ULK2: variants seen among roughly 807,000 people sequenced by gnomAD.
ULK2 encodes serine/threonine-protein kinase ULK2.
Under a neutral mutation model 127.5 loss-of-function variants are expected in ULK2, and 76 were observed. The ratio of observed to expected loss-of-function variants is 0.60; its 90% CI spans 0.50 to 0.72. ULK2 has a LOEUF of 0.72. Among genes scored for constraint, ULK2 ranks in the 30% least tolerant of loss-of-function variants. ULK2 has a pLI of 0.00. For missense variants in ULK2, 1,144 were observed against 1,295.9 expected (o/e 0.88, Z 1.80); for synonymous variants, 452 against 461.9 (o/e 0.98, Z 0.28).
At chr17:19,863,807 C>T (rs1411231083) in intron 3 of ULK2, among the ~76,000 whole-genome samples, 2 of 152,100 alleles carry the variant, frequency 1.3e-5, no homozygotes, top group Non-Finnish European at 2.9e-5. Flanking sequence ...TTTGACTATA[C>T]AGAAATTTTG....
At chr17:19,850,965 G>C (rs1294789227) in intron 3 of ULK2, among the ~76,000 whole-genome samples, 2 of 151,922 alleles carry the variant, frequency 1.3e-5, no homozygotes, top group Non-Finnish European at 2.9e-5. Context: ...GATCACTTGA[G>C]CCCAAGAGTT....
chr17:19,850,773 C>A (rs1597809928), intron 3 of ULK2, among the ~76,000 whole-genome samples: 1 of 151,622 alleles, frequency 6.6e-6, no homozygotes, highest in African/African-American at 2.4e-5. Flanking sequence ...TGCAGTGAGC[C>A]GAGATCATCG....
intron 20 of ULK2, among the ~76,000 whole-genome samples, chr17:19,792,255 G>A (rs2087172011): frequency 1.3e-5 from 2 of 152,038 alleles, no homozygotes; most frequent in African/African-American, 2.4e-5. Context: ...TTGAAACTAA[G>A]AAAACAATAC....
chr17:19,867,427 C>T lies in ULK2; in HGVS notation c.-10G>A, dbSNP rs1159491796. On this transcript the variant is annotated 5_prime_UTR_variant, in exon 1 of 27. Coordinates refer to ENST00000395544, the MANE Select transcript of ULK2 (RefSeq NM_014683.4). ...CACCCACCACCTCCATGGCCGCGCC[C>T]CCGGGGCACACAGCGGACGGGCGGG... The T allele has an allele frequency of 7.6e-6, 12 of 1,586,844 alleles. No individual in the cohort carries two copies. Among genetic ancestry groups the T allele is most frequent in the Non-Finnish European group, 5.1e-6 (6 of 1,169,022 alleles).
chr17:19,849,323 G>T, intron 5 of ULK2, 46 bp downstream of exon 5: 1 of 1,562,648 alleles, frequency 6.4e-7, no homozygotes, highest in Non-Finnish European at 8.8e-7. Flanking sequence ...GATTAAACAG[G>T]CTGCAGCACT....
intron 9 of ULK2, among the ~76,000 whole-genome samples, chr17:19,839,873 T>G (rs1217959554): frequency 6.6e-6 from 1 of 152,004 alleles, no homozygotes; most frequent in Non-Finnish European, 1.5e-5. Flanking sequence ...TGGGACAGCC[T>G]ATTTGGAGAG....
intron 9 of ULK2, among the ~76,000 whole-genome samples, chr17:19,839,616 C>A (rs1247748881): frequency 6.8e-6 from 1 of 146,170 alleles, no homozygotes; most frequent in Non-Finnish European, 1.5e-5. Context: ...GAGCCAAGAT[C>A]GTGCCATTAC....
chr17:19,867,577 G>C lies in ULK2; in HGVS notation c.-160C>G, dbSNP rs2042383075. The C allele has an allele frequency of 2.9e-6, 1 of 349,200 alleles. No homozygotes were observed. Among genetic ancestry groups the C allele is most frequent in the South Asian group, 1.4e-4 (1 of 7,276 alleles). The allele number at this position is 349,200 out of a possible 1,614,324, so 21.6% of individuals were successfully genotyped here. ...GACTCTCATGCCGAGAGACCGGAGC[G>C]GAAACTGGGGAAGCTGCCGCGCGGA... On this transcript the variant is annotated 5_prime_UTR_variant, in exon 1 of 27. Transcript: ENST00000395544.
chr17:19,859,391 C>T (rs1471548730), intron 3 of ULK2, among the ~76,000 whole-genome samples: 1 of 151,880 alleles, frequency 6.6e-6, no homozygotes, highest in African/African-American at 2.4e-5. Context: ...TGGTGGCAGG[C>T]ACCTGTAATC....
In ULK2 at chr17:19,867,568, G is replaced by C. The variant is rs1210199676; in HGVS notation, c.-151C>G. The C allele has an allele frequency of 2.7e-6, 1 of 376,386 alleles. No homozygotes were observed. The highest frequency in any genetic ancestry group is 2.1e-5 in the African/African-American group (1 of 46,588). The allele number at this position is 376,386 out of a possible 1,614,324, so 23.3% of individuals were successfully genotyped here. On this transcript the variant is annotated 5_prime_UTR_variant, in exon 1 of 27. Transcript: ENST00000395544. ...GCCCGGGCGGACTCTCATGCCGAGA[G>C]ACCGGAGCGGAAACTGGGGAAGCTG...
chr17:19,851,408 T>C (rs1005349044), intron 3 of ULK2, among the ~76,000 whole-genome samples: 2 of 141,360 alleles, frequency 1.4e-5, no homozygotes, highest in Non-Finnish European at 3.0e-5. Context: ...GAGGCCAAGG[T>C]GGGCAGATCA....
At chr17:19,804,158 G>A (rs1336954883) in intron 15 of ULK2, among the ~76,000 whole-genome samples, 1 of 152,010 alleles carries the variant, frequency 6.6e-6, no homozygotes, top group African/African-American at 2.4e-5. Context: ...TGAGACGGGA[G>A]GATCGCTTGA....
intron 5 of ULK2, among the ~76,000 whole-genome samples, chr17:19,848,708 C>T (rs554753331): frequency 4.8e-4 from 72 of 151,474 alleles, no homozygotes; most frequent in Admixed American, 1.3e-3. Flanking sequence ...ACCCAGGAGG[C>T]GGAGGTTGCA....
intron 20 of ULK2, among the ~76,000 whole-genome samples, chr17:19,790,026 T>A (rs1490547025): frequency 6.6e-6 from 1 of 151,474 alleles, no homozygotes; most frequent in East Asian, 1.9e-4. Flanking sequence ...TACAATAACA[T>A]ATAAAGAGAA....
At chr17:19,846,077 G>A (rs765457127) in intron 6 of ULK2, among the ~76,000 whole-genome samples, 1 of 152,210 alleles carries the variant, frequency 6.6e-6, no homozygotes. Context: ...AGTGAGCCGA[G>A]ATCGTGCCAC....
Position 19,846,957 on chromosome 17 carries a change from T to C in ULK2, c.296-47A>G, listed in dbSNP as rs529900966. ...AAATATTTAAGCACACAAAATCAAA[T>C]ACCATCTGCATATTCCATCAACAGG... On this transcript the variant is annotated intron_variant, in intron 5 of 26. Transcript: ENST00000395544. 25 of 1,542,000 alleles carry C rather than the reference T, an allele frequency of 1.6e-5. No individual in the cohort carries two copies. In the Admixed American group the frequency reaches 4.3e-4, roughly 27 times the overall value.
Position 19,797,516 on chromosome 17 carries a change from A to T in ULK2, c.1689T>A (p.Pro563=). The T allele has an allele frequency of 6.2e-7, 1 of 1,613,968 alleles. No homozygotes were observed. Among genetic ancestry groups the T allele is most frequent in the South Asian group, 1.1e-5 (1 of 91,070 alleles). ...CAAGGCTGCCAGGCCGACTGGGCTG[A>T]GGCGAGTAGCTGTACCCAGCCCCAG... is the stretch of plus-strand genomic sequence containing the variant. ...SHTGAGYSYS[P]QPSRPGSLGT... Residue 563 remains proline, a synonymous_variant, in exon 18 of 27, where the codon CCT becomes CCA. Transcript: ENST00000395544.
At chr17:19,817,001 T>C in intron 12 of ULK2, 81 bp from the exon 13 acceptor site, 2 of 1,360,318 alleles carry the variant, frequency 1.5e-6, no homozygotes, top group Non-Finnish European at 2.0e-6. Flanking sequence ...GGAATTTTTT[T>C]TTTTCCCCCA....
chr17:19,783,457 AAAAG>A (rs1222532037), intron 22 of ULK2, among the ~76,000 whole-genome samples: 4 of 152,198 alleles, frequency 2.6e-5, no homozygotes, highest in Admixed American at 6.5e-5. Context: ...GTCTCAAAAA[AAAAG>A]AAAGAAAGAA....
Sources: gnomAD v4.1 joint callset for allele counts (sites outside exome capture counted in the v4.1 genomes callset) on GRCh38, gnomAD v4.1.1 for gene constraint, MANE v1.5 for transcripts, NCBI Gene and HGNC (gene_info 2026-07-23, HGNC 2026-07-21) for gene names.